Variants in ERP44 observed in about 807,000 individuals in gnomAD.
ERP44 encodes endoplasmic reticulum protein 44, also known as endoplasmic reticulum resident protein 44.
Under a neutral mutation model 53.4 loss-of-function variants are expected in ERP44, and 25 were observed. The ratio of observed to expected loss-of-function variants is 0.47; its 90% confidence interval spans 0.34 to 0.65. ERP44 has a LOEUF of 0.65. ERP44 is among the 30% of genes least tolerant of loss of function. ERP44 has a pLI of 0.01. For synonymous variants in ERP44, 145 were observed against 161.2 expected (o/e 0.90, Z 0.76); for missense variants, 338 against 493.2 (o/e 0.69, Z 2.98).
chr9:100,067,720 G>A (rs941817513), intron 1 of ERP44, among the ~76,000 whole-genome samples: 3 of 151,466 alleles, frequency 2.0e-5, no homozygotes, highest in African/African-American at 4.9e-5. Context: ...GTCTCTGCCC[G>A]GCCGCCATCC....
At chr9:100,004,083 G>A (rs1019354258) in intron 10 of ERP44, among the ~76,000 whole-genome samples, 1 of 152,044 alleles carries the variant, frequency 6.6e-6, no homozygotes, top group African/African-American at 2.4e-5. Context: ...CTGGCTGAAA[G>A]CCTAGAGCTT....
chr9:100,020,064 C>A (rs1359057510), intron 6 of ERP44, among the ~76,000 whole-genome samples: 1 of 152,158 alleles, frequency 6.6e-6, no homozygotes, highest in East Asian at 1.9e-4. Context: ...GAAAGCAGTT[C>A]TTGAAAAGGG....
intron 10 of ERP44, among the ~76,000 whole-genome samples, chr9:99,993,478 G>A (rs1231626999): frequency 6.6e-6 from 1 of 152,104 alleles, no homozygotes; most frequent in Middle Eastern, 3.2e-3. Flanking sequence ...GCTGAAACTG[G>A]ATCCCTTCCT....
At chr9:100,006,728 G>A in intron 9 of ERP44, 81 bp from the exon 10 acceptor site, 1 of 970,528 alleles carries the variant, frequency 1.0e-6, no homozygotes, top group Non-Finnish European at 1.5e-6. Context: ...CACAAAAAGT[G>A]ACATACTAAA....
At chr9:100,004,829 T>C (rs1830411762) in intron 10 of ERP44, among the ~76,000 whole-genome samples, 1 of 152,246 alleles carries the variant, frequency 6.6e-6, no homozygotes, top group African/African-American at 2.4e-5. Context: ...GAGACGAACA[T>C]GGAAAGTCCT....
intron 4 of ERP44, among the ~76,000 whole-genome samples, chr9:100,051,726 G>A (rs1234936277): frequency 1.3e-5 from 2 of 152,070 alleles, no homozygotes; most frequent in Non-Finnish European, 2.9e-5. Flanking sequence ...AGTATAATGG[G>A]AACACACAGG....
At chr9:100,028,429 G>A (rs1564093121) in intron 4 of ERP44, among the ~76,000 whole-genome samples, 1 of 152,220 alleles carries the variant, frequency 6.6e-6, no homozygotes. Context: ...TAAGACTGCA[G>A]AAGATAAGAT....
chr9:100,071,093 GTTTT>G, intron 1 of ERP44, among the ~76,000 whole-genome samples: 1 of 119,570 alleles, frequency 8.4e-6, no homozygotes, highest in East Asian at 2.6e-4. Flanking sequence ...ATTATATAAG[GTTTT>G]TTTTTTTTTT....
chr9:100,001,977 A>G (rs1301423537), intron 10 of ERP44, among the ~76,000 whole-genome samples: 3 of 151,812 alleles, frequency 2.0e-5, no homozygotes, highest in Non-Finnish European at 4.4e-5. Flanking sequence ...TCTTTCGTGT[A>G]TTTACTAAAG....
intron 10 of ERP44, among the ~76,000 whole-genome samples, chr9:99,997,178 G>T (rs1459177290): frequency 4.6e-5 from 7 of 152,142 alleles, no homozygotes; most frequent in Non-Finnish European, 1.0e-4. Flanking sequence ...CGGGATTGCT[G>T]TATCAAATGG....
At chr9:100,052,319 A>T in intron 4 of ERP44, 98 bp downstream of exon 4, 2 of 547,154 alleles carry the variant, frequency 3.7e-6, no homozygotes, top group South Asian at 4.5e-5. Flanking sequence ...AAAAAAGAAA[A>T]GGAAAAAAAA....
Position 99,998,971 on chromosome 9 carries a change from G to T in ERP44, c.1016+7535C>A, listed in dbSNP as rs557335981. ...GTTTCTAAAAAGTTTTTATATTCTG[G>T]ATCTCAGGTCGGCGGCAAAGAACTG... is the stretch of plus-strand genomic sequence containing the variant. On this transcript the variant is annotated intron_variant, in intron 10 of 11. Transcript: ENST00000262455. 4.7e-4 allele frequency: 688 copies of T among 1,455,396 alleles called. 8 individuals carry two copies. The South Asian group carries it at 7.5e-3, about 16-fold the overall frequency. The allele number at this position is 1,455,396 out of a possible 1,614,324, so 90.2% of individuals were successfully genotyped here.
chr9:100,089,079 T>C (rs1826519359), intron 1 of ERP44, among the ~76,000 whole-genome samples: 1 of 152,258 alleles, frequency 6.6e-6, no homozygotes, highest in Non-Finnish European at 1.5e-5. Flanking sequence ...CATGCAGTTC[T>C]AAGTAGTGTG....
intron 4 of ERP44, 37 bp from the exon 5 acceptor site, chr9:100,022,263 T>C (rs375507315): frequency 5.1e-5 from 80 of 1,558,350 alleles, no homozygotes; most frequent in Middle Eastern, 5.1e-4. Context: ...CCCTCATATG[T>C]AGTCAGGGCA....
chr9:100,097,407 T>A (rs1267535640), intron 1 of ERP44, among the ~76,000 whole-genome samples: 1 of 152,148 alleles, frequency 6.6e-6, no homozygotes, highest in Non-Finnish European at 1.5e-5. Flanking sequence ...AGCCATTTTG[T>A]GGATAAGATT....
At chr9:100,034,565 TAAAA>T (rs577000073) in intron 4 of ERP44, among the ~76,000 whole-genome samples, 5 of 149,150 alleles carry the variant, frequency 3.4e-5, no homozygotes, top group African/African-American at 4.9e-5. Context: ...TTCACTTAAT[TAAAA>T]AAAACAAAAA....
Position 99,982,525 on chromosome 9 carries a change from C to T in ERP44, c.*87G>A. 1.7e-6 allele frequency: 1 copy of T among 579,106 alleles called. No homozygotes were observed. Among genetic ancestry groups the T allele is most frequent in the East Asian group, 3.5e-5 (1 of 28,266 alleles). The allele number at this position is 579,106 out of a possible 1,614,324, so 35.9% of individuals were successfully genotyped here. A position where few individuals can be genotyped will look rare whatever the true frequency, so the allele number is the denominator to read the frequency against. The stretch of plus-strand genomic sequence containing the variant: ...TCTGTTTATTCAAAATAAAAATACA[C>T]ATAGAATTATGAAAATATAGGTTTA... On this transcript the variant is annotated 3_prime_UTR_variant, in exon 12 of 12. Transcript: ENST00000262455.
intron 10 of ERP44, among the ~76,000 whole-genome samples, chr9:99,997,840 A>G (rs1830329636): frequency 6.6e-6 from 1 of 152,108 alleles, no homozygotes. Flanking sequence ...AAAGGTTGTA[A>G]CAAACAAGAA....
intron 4 of ERP44, among the ~76,000 whole-genome samples, chr9:100,028,096 T>C (rs1390431447): frequency 1.3e-5 from 2 of 152,210 alleles, no homozygotes; most frequent in Admixed American, 6.5e-5. Context: ...ATAGTTCCTA[T>C]AAAAAGCTTC....
Sources: gnomAD v4.1 joint callset for allele counts (sites outside exome capture counted in the v4.1 genomes callset) on GRCh38, gnomAD v4.1.1 for gene constraint, MANE v1.5 for transcripts, NCBI Gene and HGNC (gene_info 2026-07-23, HGNC 2026-07-21) for gene names.